Variants in RANBP2 observed in about 807,000 individuals in gnomAD.
RANBP2 encodes the protein E3 SUMO-protein ligase RanBP2.
In RANBP2, 57 loss-of-function variants were observed where a neutral mutation model predicts 303.6. The observed-to-expected ratio is 0.19, with a 90% confidence interval of 0.15 to 0.23. The LOEUF (loss-of-function observed/expected upper bound fraction) is 0.23. Among genes scored for constraint, RANBP2 ranks in the 10% least tolerant of loss-of-function variants. The pLI is 1.00. For missense variants in RANBP2, 3,138 were observed against 3,780.8 expected, an observed-to-expected ratio of 0.83 and a Z score of 4.46; for synonymous variants, 1,167 against 1,301.5, an observed-to-expected ratio of 0.90 and a Z score of 2.23.
the RANBP2 span, chr2:108,906,341 C>T: frequency 1.9e-5 from 31 of 1,614,180 alleles, no homozygotes; most frequent in African/African-American, 1.9e-4. Context: ...GCATACACAT[C>T]GAGGATCTTT....
the RANBP2 span, among the ~76,000 whole-genome samples, chr2:108,828,807 T>G: frequency 6.6e-6 from 1 of 152,024 alleles, no homozygotes; most frequent in East Asian, 1.9e-4. Context: ...TGAAACCCTA[T>G]CTGTACTAAA....
the RANBP2 span, among the ~76,000 whole-genome samples, chr2:108,886,509 G>T: frequency 6.6e-6 from 1 of 152,124 alleles, no homozygotes; most frequent in Non-Finnish European, 1.5e-5. Context: ...CCGCCTCTTG[G>T]GTTCACGCCG....
At chr2:109,030,439 C>G in the RANBP2 span, among the ~76,000 whole-genome samples, 1 of 152,144 alleles carries the variant, frequency 6.6e-6, no homozygotes, top group Non-Finnish European at 1.5e-5. Flanking sequence ...CATACCCTGC[C>G]AAATGTGATA....
the RANBP2 span, among the ~76,000 whole-genome samples, chr2:109,689,082 C>A: frequency 6.6e-6 from 1 of 152,048 alleles, no homozygotes; most frequent in Non-Finnish European, 1.5e-5. Context: ...AATTGTTGTA[C>A]TTTTAGTAGA....
the RANBP2 span, among the ~76,000 whole-genome samples, chr2:109,404,377 A>G: frequency 6.6e-6 from 1 of 152,216 alleles, no homozygotes; most frequent in Admixed American, 6.5e-5. Context: ...GTGCCGATGC[A>G]GAACAGGCCA....
the RANBP2 span, chr2:108,857,061 TATTGC>T: frequency 4.7e-6 from 1 of 213,466 alleles, no homozygotes; most frequent in South Asian, 8.2e-5. Flanking sequence ...TATCAGATAC[TATTGC>T]TTTTTTTTTT....
chr2:108,906,314 C>G, the RANBP2 span: 29 of 1,614,076 alleles, frequency 1.8e-5, no homozygotes, highest in South Asian at 2.9e-4. Context: ...TTACCTTCCA[C>G]GACTCCACAC....
chr2:108,895,487 TC>T, the RANBP2 span: 8 of 152,282 alleles, frequency 5.3e-5, no homozygotes, highest in Non-Finnish European at 1.0e-4. Flanking sequence ...TTATTAACTT[TC>T]TGCCTATAAA....
the RANBP2 span, among the ~76,000 whole-genome samples, chr2:109,136,644 A>G: frequency 6.6e-6 from 1 of 152,200 alleles, no homozygotes; most frequent in African/African-American, 2.4e-5. Flanking sequence ...GAGGCCCAAG[A>G]AGAGTCACTG....
chr2:109,713,591 C>T, the RANBP2 span, among the ~76,000 whole-genome samples: 2 of 152,198 alleles, frequency 1.3e-5, no homozygotes, highest in African/African-American at 4.8e-5. Context: ...GTTTGGTAAG[C>T]TGTGAGAATG....
chr2:108,795,311 C>T, the RANBP2 span, among the ~76,000 whole-genome samples: 6 of 151,822 alleles, frequency 4.0e-5, no homozygotes, highest in Non-Finnish European at 7.4e-5. Flanking sequence ...CACCCCATCC[C>T]GCCCAGCCAA....
chr2:109,334,358 T>TAA, the RANBP2 span, among the ~76,000 whole-genome samples: 143 of 126,106 alleles, frequency 1.1e-3, no homozygotes, highest in African/African-American at 3.4e-3. Flanking sequence ...TTTTTTCCTT[T>TAA]AAAAAAAAAA....
the RANBP2 span, among the ~76,000 whole-genome samples, chr2:108,855,162 T>G: frequency 6.6e-6 from 1 of 152,166 alleles, no homozygotes; most frequent in South Asian, 2.1e-4. Context: ...ATCTGAAATA[T>G]TCAATAAATT....
At chr2:108,900,937 A>G in the RANBP2 span, among the ~76,000 whole-genome samples, 3 of 152,358 alleles carry the variant, frequency 2.0e-5, no homozygotes, top group Non-Finnish European at 4.4e-5. Context: ...ATAAGTCCAC[A>G]ATTATAGTTG....
the RANBP2 span, among the ~76,000 whole-genome samples, chr2:109,648,652 C>A: frequency 7.6e-6 from 1 of 131,318 alleles, no homozygotes; most frequent in East Asian, 2.2e-4. Context: ...TGATTTACAT[C>A]TTTTTTTTTT....
chr2:109,737,596 A>C, the RANBP2 span: 1 of 363,622 alleles, frequency 2.8e-6, no homozygotes, highest in Non-Finnish European at 4.9e-6. Flanking sequence ...ATATCCAGTG[A>C]TGGGATTGCT....
At chr2:109,026,801 T>C in the RANBP2 span, among the ~76,000 whole-genome samples, 1 of 152,206 alleles carries the variant, frequency 6.6e-6, no homozygotes, top group African/African-American at 2.4e-5. Flanking sequence ...GTGCAGTGGC[T>C]CACGCCTGTA....
the RANBP2 span, among the ~76,000 whole-genome samples, chr2:109,549,537 C>T: frequency 6.9e-4 from 105 of 152,292 alleles, 1 homozygote; most frequent in African/African-American, 2.5e-3. Flanking sequence ...TTCACTACGA[C>T]AGGCAGTTAA....
At chr2:108,746,992 A>G (rs1333830820) in intron 8 of RANBP2, among the ~76,000 whole-genome samples, 194 bp downstream of exon 8, 7 of 152,192 alleles carry the variant, frequency 4.6e-5, no homozygotes, top group Non-Finnish European at 8.8e-5. Flanking sequence ...AATATTTGAT[A>G]TTGTTTGTTC....
Sources: allele counts gnomAD v4.1 joint callset (sites outside exome capture counted in the v4.1 genomes callset), GRCh38; gene constraint gnomAD v4.1.1; transcripts MANE v1.5; gene names NCBI Gene and HGNC (gene_info 2026-07-23, HGNC 2026-07-21).